TENM1: variants seen among roughly 807,000 people sequenced by gnomAD.
The protein encoded by TENM1 is teneurin-1.
Under a neutral mutation model 174.8 loss-of-function variants are expected in TENM1, and 35 were observed. That is an observed-to-expected ratio of 0.20 (90% confidence interval 0.15 to 0.27). TENM1 has a LOEUF of 0.27. Among genes scored for constraint, TENM1 ranks in the 10% least tolerant of loss-of-function variants. TENM1 has a pLI of 1.00. For synonymous variants in TENM1, 781 were observed against 798.7 expected (o/e 0.98, Z 0.37); for missense variants, 1,633 against 2,130.1 (o/e 0.77, Z 4.59).
intron 3 of TENM1, among the ~76,000 whole-genome samples, chrX:124,753,720 C>T (rs888495991): frequency 5.4e-5 from 6 of 111,402 alleles, no homozygotes; most frequent in South Asian, 3.9e-4. Flanking sequence ...TTTTGTCAAA[C>T]GCCTTTTCTG....
At chrX:124,710,051 G>T (rs902294038) in intron 4 of TENM1, among the ~76,000 whole-genome samples, 2 of 111,547 alleles carry the variant, frequency 1.8e-5, no homozygotes, top group African/African-American at 6.5e-5. Flanking sequence ...TGATTGTGCT[G>T]TTACTTTAAG....
At chrX:124,566,449 C>T (rs2048943813) in intron 11 of TENM1, among the ~76,000 whole-genome samples, 1 of 111,810 alleles carries the variant, frequency 8.9e-6, no homozygotes, top group African/African-American at 3.2e-5. Context: ...AGTAGATAAA[C>T]CAACATAAAA....
At chrX:124,566,424 T>C (rs2048943380) in intron 11 of TENM1, among the ~76,000 whole-genome samples, 1 of 112,066 alleles carries the variant, frequency 8.9e-6, no homozygotes, top group Non-Finnish European at 1.9e-5. Context: ...TGCTGAATAT[T>C]AATAAAGTCA....
At position 124,587,895 on chromosome X, in the gene TENM1, T is replaced by C. The variant is rs758897614; in HGVS notation, c.2078-22335A>G. 4.8e-3 allele frequency among the ~76,000 whole-genome samples: 535 copies of C among 111,660 alleles called. 5 individuals carry two copies. Among genetic ancestry groups the C allele is most frequent in the African/African-American group, 0.016 (497 of 30,676 alleles). ...GTGGGCGAAGGACATGAACAGACAC[T>C]TCTCAAAAGAAGACATTTATGCAGC... is the stretch of plus-strand genomic sequence containing the variant. On this transcript the variant is annotated intron_variant, in intron 11 of 31. Coordinates refer to ENST00000422452, the Ensembl canonical transcript of TENM1.
intron 1 of TENM1, among the ~76,000 whole-genome samples, chrX:124,944,545 T>C (rs1429108347): frequency 9.0e-6 from 1 of 111,065 alleles, no homozygotes; most frequent in Admixed American, 9.7e-5. Context: ...TAAGTATTGA[T>C]AACAATAAGC....
intron 4 of TENM1, among the ~76,000 whole-genome samples, chrX:124,735,429 T>C (rs2053647898): frequency 1.8e-5 from 2 of 111,981 alleles, no homozygotes; most frequent in African/African-American, 6.5e-5. Flanking sequence ...AGAATGGCTA[T>C]TATTAAAAAG....
intron 3 of TENM1, among the ~76,000 whole-genome samples, chrX:124,858,204 T>G (rs754688506): frequency 2.7e-5 from 3 of 112,621 alleles, no homozygotes; most frequent in Non-Finnish European, 3.8e-5. Flanking sequence ...TGAAACAAAT[T>G]CTAATACATG....
chrX:124,492,511 T>TA (rs2047091671), intron 20 of TENM1, among the ~76,000 whole-genome samples: 1 of 110,429 alleles, frequency 9.1e-6, no homozygotes, highest in Non-Finnish European at 1.9e-5. Context: ...TTTTTTTTTT[T>TA]AAAAGTGAAT....
Position 124,584,464 on chromosome X carries a change from A to C in TENM1, c.2078-18904T>G, listed in dbSNP as rs763229236. On this transcript the variant is annotated intron_variant, in intron 11 of 31. Transcript: ENST00000422452. The stretch of plus-strand genomic sequence containing the variant: ...TTCATAAGTGAAGGAGAAATAAAAT[A>C]CTTTACAGACAAGCAAATGCTGAGA... 2.0e-4 allele frequency among the ~76,000 whole-genome samples: 22 copies of C among 109,265 alleles called. 1 individual carries two copies. The highest frequency in any genetic ancestry group is 4.7e-3 in the Middle Eastern group (1 of 214). 94.9% of individuals were successfully genotyped at this position (109,265 alleles called of 115,157 possible).
intron 15 of TENM1, among the ~76,000 whole-genome samples, chrX:124,542,467 G>A (rs2148108807): frequency 9.4e-6 from 1 of 106,220 alleles, no homozygotes; most frequent in Non-Finnish European, 1.9e-5. Context: ...TGTGCCTAGT[G>A]CTGTACTAAA....
At chrX:124,507,921 T>C (rs1326722820) in intron 18 of TENM1, among the ~76,000 whole-genome samples, 1 of 112,265 alleles carries the variant, frequency 8.9e-6, no homozygotes, top group African/African-American at 3.2e-5. Context: ...GTTACCTTCA[T>C]GAACTCAGGG....
At chrX:125,180,967 G>A in the TENM1 span, among the ~76,000 whole-genome samples, 121 of 111,361 alleles carry the variant, frequency 1.1e-3, no homozygotes, top group African/African-American at 3.7e-3. Context: ...TAGTATTACC[G>A]GCATTACCTC....
the TENM1 span, among the ~76,000 whole-genome samples, chrX:125,075,954 T>G: frequency 9.0e-6 from 1 of 111,620 alleles, no homozygotes; most frequent in South Asian, 3.7e-4. Flanking sequence ...ATATCTTCTC[T>G]CTACAAATAA....
chrX:124,422,538 C>T lies in TENM1; in HGVS notation c.4205G>A (p.Arg1402His), dbSNP rs772086665. The T allele has an allele frequency of 1.4e-5, 17 of 1,208,986 alleles. No individual in the cohort carries two copies. The highest frequency in any genetic ancestry group is 2.3e-4 in the Middle Eastern group (1 of 4,370). Residue 1402 changes from arginine (R) to histidine (H), a missense_variant, in exon 24 of 32, where the codon CGT (arginine) becomes CAT (histidine). Arg to His is a conservative substitution (Grantham distance 29). Transcript: ENST00000422452. ...GGGGCGTCCTGCGATGATCCGAACA[C>T]GCCTGTTCTCAGAAATTTGCAGCAC...
At chrX:124,471,257 T>TTA (rs1569533434) in intron 22 of TENM1, among the ~76,000 whole-genome samples, 1 of 60,268 alleles carries the variant, frequency 1.7e-5, no homozygotes, top group African/African-American at 7.6e-5. Flanking sequence ...ATAATATATA[T>TTA]TATAATATAT....
chrX:124,412,584 T>C lies in TENM1; in HGVS notation c.4983-6095A>G, dbSNP rs113000455. Reference sequence around the variant, plus strand: ...GAGTCAGACCCTCTTTACACTTTCATGTCAGAAAGCTGACCAACCTAATAA... The same window carrying C: ...GAGTCAGACCCTCTTTACACTTTCACGTCAGAAAGCTGACCAACCTAATAA... On this transcript the variant is annotated intron_variant, in intron 25 of 31. Transcript: ENST00000422452. Among the ~76,000 whole-genome samples the C allele has an allele frequency of 2.5e-3, 284 of 112,853 alleles. 1 individual carries two copies. The highest frequency in any genetic ancestry group is 8.9e-3 in the African/African-American group (276 of 31,113).
the TENM1 span, among the ~76,000 whole-genome samples, chrX:125,001,852 T>TACAC: frequency 0.064 from 5,450 of 84,838 alleles, 215 homozygotes; most frequent in African/African-American, 0.079. Flanking sequence ...TATAGATAGA[T>TACAC]ACACACACAC....
In TENM1 at chrX:124,918,536, T is replaced by C. The variant is rs112369396; in HGVS notation, c.218-22295A>G. 2.7e-3 allele frequency among the ~76,000 whole-genome samples: 277 copies of C among 103,801 alleles called. 2 individuals are homozygous for C. The highest frequency in any genetic ancestry group is 9.2e-3 in the African/African-American group (257 of 27,922). 90.1% of individuals were successfully genotyped at this position (103,801 alleles called of 115,157 possible). A position where few individuals can be genotyped will look rare whatever the true frequency, so the allele number is the denominator to read the frequency against. On this transcript the variant is annotated intron_variant, in intron 1 of 31. Transcript: ENST00000422452. ...GTTTTCTAACAGAAGCAAAGGAATG[T>C]CATGGTGAGGCTCTGAGCCTGAAGA...
the TENM1 span, among the ~76,000 whole-genome samples, chrX:125,093,491 T>C: frequency 8.9e-6 from 1 of 112,303 alleles, no homozygotes; most frequent in Non-Finnish European, 1.9e-5. Context: ...TGCTTTAAAA[T>C]AGCAAAGAGA....
Sources: allele counts gnomAD v4.1 joint callset (sites outside exome capture counted in the v4.1 genomes callset), GRCh38; gene constraint gnomAD v4.1.1; transcripts MANE v1.5; gene names NCBI Gene and HGNC (gene_info 2026-07-23, HGNC 2026-07-21).